The following CENPI variants were observed in gnomAD, a reference collection of about 807,000 sequenced individuals.
The protein encoded by CENPI is centromere protein I, also known as FSH primary response 1.
Under a neutral mutation model 60.4 loss-of-function variants are expected in CENPI, and 4 were observed. The ratio of observed to expected loss-of-function variants is 0.07; its 90% CI spans 0.03 to 0.15. CENPI has a LOEUF of 0.15. Ranked by LOEUF, CENPI falls within the 10% of genes least tolerant of loss-of-function variation. The probability of loss-of-function intolerance (pLI) is 1.00; values close to 1 mark genes in which losing one functional copy is unlikely to be tolerated. For synonymous variants in CENPI, 157 were observed against 189.4 expected (o/e 0.83, Z 1.40); for missense variants, 444 against 534.5 (o/e 0.83, Z 1.67).
chrX:101,112,640 A>G (rs938091019), intron 6 of CENPI, among the ~76,000 whole-genome samples: 1 of 112,130 alleles, frequency 8.9e-6, no homozygotes, highest in Non-Finnish European at 1.9e-5. Context: ...TTCAATCAAA[A>G]CATAACAGAA....
chrX:101,128,902 T>C, intron 12 of CENPI, 66 bp downstream of exon 12: 1 of 992,683 alleles, frequency 1.0e-6, no homozygotes, highest in African/African-American at 1.9e-5. Context: ...GGGTGCCAAA[T>C]TCTAGACAGC....
chrX:101,132,131 A>T, intron 13 of CENPI, 59 bp from the exon 14 acceptor site: 1 of 824,339 alleles, frequency 1.2e-6, no homozygotes, highest in Admixed American at 2.5e-5. Flanking sequence ...GGTTGTTTAG[A>T]GCATAATTTT....
At chrX:101,146,452 T>C (rs746231280) in intron 18 of CENPI, among the ~76,000 whole-genome samples, 175 bp downstream of exon 18, 58 of 111,708 alleles carry the variant, frequency 5.2e-4, no homozygotes, top group Non-Finnish European at 9.6e-4. Context: ...CTGTGTTTTT[T>C]AAATCCTCCA....
intron 4 of CENPI, among the ~76,000 whole-genome samples, chrX:101,103,056 G>A (rs1369098567): frequency 7.8e-5 from 8 of 102,819 alleles, no homozygotes; most frequent in African/African-American, 2.2e-4. Context: ...GTGCAGTGGC[G>A]CAATCTCAGC....
At chrX:101,150,671 C>CT (rs1229021554) in intron 20 of CENPI, among the ~76,000 whole-genome samples, 51 of 105,072 alleles carry the variant, frequency 4.9e-4, no homozygotes, top group African/African-American at 1.2e-3. Flanking sequence ...TGCCTGGCTA[C>CT]TTTTTTTTTT....
At chrX:101,150,727 A>G (rs751089389) in intron 20 of CENPI, among the ~76,000 whole-genome samples, 65 of 110,730 alleles carry the variant, frequency 5.9e-4, no homozygotes, top group African/African-American at 2.0e-3. Context: ...ATAATTCTAT[A>G]CTATGAAAAT....
intron 20 of CENPI, among the ~76,000 whole-genome samples, chrX:101,152,794 CTA>C (rs113925958): frequency 3.7e-5 from 4 of 108,675 alleles, no homozygotes; most frequent in African/African-American, 6.7e-5. Flanking sequence ...AATAATATTC[CTA>C]TATATATATA....
In CENPI at chrX:101,102,168, C is replaced by T. The variant is rs150607592; in HGVS notation, c.227-106C>T. 559 of 603,270 alleles carry T rather than the reference C, an allele frequency of 9.3e-4. 1 individual carries two copies. In the African/African-American group the frequency reaches 0.011, roughly 11 times the overall value. The allele number at this position is 603,270 out of a possible 1,213,427, so 49.7% of individuals were successfully genotyped here. On this transcript the variant is annotated intron_variant, in intron 3 of 21. Transcript: ENST00000682095. ...GAATTACAGATGTGGGTCACCACGC[C>T]TGGTTATTAAGCTATTCCTTTAAAG...
At chrX:101,171,351 A>G in the CENPI span, among the ~76,000 whole-genome samples, 1 of 112,269 alleles carries the variant, frequency 8.9e-6, no homozygotes, top group East Asian at 2.8e-4. Flanking sequence ...TGGTACTGTG[A>G]CAATAGAATC....
At chrX:101,109,128 C>CTGGA (rs1213749334) in intron 4 of CENPI, among the ~76,000 whole-genome samples, 1 of 81,188 alleles carries the variant, frequency 1.2e-5, no homozygotes, top group African/African-American at 5.1e-5. Flanking sequence ...GTTGTCCAGG[C>CTGGA]TGGAGTGCAT....
intron 8 of CENPI, among the ~76,000 whole-genome samples, chrX:101,121,198 A>G (rs187666898): frequency 1.8e-5 from 2 of 111,538 alleles, no homozygotes; most frequent in Non-Finnish European, 3.8e-5. Flanking sequence ...TCTTTAAGGA[A>G]CTTATTTTCT....
intron 17 of CENPI, among the ~76,000 whole-genome samples, chrX:101,145,495 C>G (rs1466867873): frequency 9.1e-6 from 1 of 110,300 alleles, no homozygotes; most frequent in Admixed American, 9.7e-5. Context: ...TCATCCCATT[C>G]CCAACTCCTG....
At chrX:101,175,916 C>T in the CENPI span, among the ~76,000 whole-genome samples, 1 of 111,326 alleles carries the variant, frequency 9.0e-6, no homozygotes, top group African/African-American at 3.3e-5. Context: ...TAACTAATCA[C>T]TCTTTATCCT....
chrX:101,103,364 T>C (rs893019166), intron 4 of CENPI, among the ~76,000 whole-genome samples: 2 of 109,602 alleles, frequency 1.8e-5, no homozygotes, highest in Non-Finnish European at 3.8e-5. Flanking sequence ...TTTTTGAGAC[T>C]GAGTTTTGCA....
chrX:101,137,163 T>A lies in CENPI; in HGVS notation c.1471-3503T>A, dbSNP rs937081984. Among the ~76,000 whole-genome samples the A allele has an allele frequency of 2.8e-4, 31 of 112,226 alleles. 1 individual carries two copies. The highest frequency in any genetic ancestry group is 4.5e-4 in the Non-Finnish European group (24 of 53,243). On this transcript the variant is annotated intron_variant, in intron 15 of 21. Coordinates refer to ENST00000682095, the MANE Select transcript of CENPI (RefSeq NM_001386188.2). ...TCTGGCTTCAAATGATCCTTTCACC[T>A]CAGCCTCCCAAAATGTTGGGATTAC... is the stretch of plus-strand genomic sequence containing the variant.
At chrX:101,170,857 C>A (rs1241407563), downstream of CENPI, among the ~76,000 whole-genome samples, 1 of 110,653 alleles carries the variant, frequency 9.0e-6, no homozygotes, top group East Asian at 2.8e-4. Flanking sequence ...GTCTTGAACT[C>A]CTGGGCTCAA....
At chrX:101,167,240 T>G (rs746140715), downstream of CENPI, among the ~76,000 whole-genome samples, 3 of 112,189 alleles carry the variant, frequency 2.7e-5, no homozygotes, top group Admixed American at 2.9e-4. Context: ...GTGAACAGAT[T>G]GCTTGAGCCT....
At chrX:101,153,079 C>G (rs1321823289) in intron 20 of CENPI, among the ~76,000 whole-genome samples, 3 of 108,791 alleles carry the variant, frequency 2.8e-5, no homozygotes, top group Admixed American at 1.0e-4. Context: ...TCCATTTTCT[C>G]CACCTCTTTC....
At chrX:101,102,880 C>T (rs2089438412) in intron 4 of CENPI, among the ~76,000 whole-genome samples, 1 of 97,575 alleles carries the variant, frequency 1.0e-5, no homozygotes, top group African/African-American at 3.9e-5. Context: ...TTAGTAGGGA[C>T]GGGTTTTTGC....
Sources: gnomAD v4.1 joint callset for allele counts (sites outside exome capture counted in the v4.1 genomes callset) on GRCh38, gnomAD v4.1.1 for gene constraint, MANE v1.5 for transcripts, NCBI Gene and HGNC (gene_info 2026-07-23, HGNC 2026-07-21) for gene names.